Variants in COP1 observed in about 807,000 individuals in gnomAD.
COP1 encodes COP1 E3 ubiquitin ligase, also known as E3 ubiquitin-protein ligase COP1.
In COP1, 24 loss-of-function variants were observed where a neutral mutation model predicts 101.3. The observed-to-expected ratio is 0.24, with a 90% CI of 0.17 to 0.33. The LOEUF (loss-of-function observed/expected upper bound fraction) is 0.33, where lower values mean the gene tolerates loss of function less well. COP1 is among the 10% of genes least tolerant of loss of function. The pLI, the probability that COP1 is intolerant of heterozygous loss-of-function variation, is 1.00. For missense variants in COP1, 663 were observed against 906.2 expected (o/e 0.73, Z 3.45); for synonymous variants, 347 against 341.9 (o/e 1.01, Z -0.17).
At chr1:175,991,453 G>C (rs1035506105) in intron 15 of COP1, among the ~76,000 whole-genome samples, 3 of 152,146 alleles carry the variant, frequency 2.0e-5, no homozygotes, top group East Asian at 1.9e-4. Flanking sequence ...AAATTGTTTT[G>C]GGTGAGTTAG....
chr1:176,175,497 T>C (rs1399974206), intron 3 of COP1, among the ~76,000 whole-genome samples: 1 of 152,180 alleles, frequency 6.6e-6, no homozygotes, highest in Non-Finnish European at 1.5e-5. Context: ...CTTAGATCCC[T>C]TGCATGTGCA....
At chr1:175,996,339 A>C (rs1184287141) in intron 15 of COP1, among the ~76,000 whole-genome samples, 1 of 152,270 alleles carries the variant, frequency 6.6e-6, no homozygotes, top group East Asian at 1.9e-4. Flanking sequence ...AACTGGCACA[A>C]GACAGGGATG....
intron 5 of COP1, among the ~76,000 whole-genome samples, chr1:176,151,393 GA>G (rs1192304762): frequency 1.6e-5 from 2 of 122,646 alleles, no homozygotes; most frequent in Non-Finnish European, 3.9e-5. Context: ...AAGAAAGAAA[GA>G]AAGAAAGAAA....
intron 18 of COP1, among the ~76,000 whole-genome samples, chr1:175,970,093 A>G (rs1427796317): frequency 6.6e-6 from 1 of 152,074 alleles, no homozygotes; most frequent in Non-Finnish European, 1.5e-5. Context: ...TGGTGTTTGT[A>G]TTTTTTTGCT....
At chr1:176,168,477 G>C (rs996498831) in intron 3 of COP1, among the ~76,000 whole-genome samples, 27 of 127,184 alleles carry the variant, frequency 2.1e-4, no homozygotes, top group Non-Finnish European at 4.0e-4. Context: ...AGGAAGGGAG[G>C]AAGGCAGGAA....
intron 18 of COP1, among the ~76,000 whole-genome samples, chr1:175,955,766 C>CCACACACACACACACAAACACACA (rs1553275346): frequency 1.2e-4 from 16 of 129,192 alleles, no homozygotes; most frequent in South Asian, 2.7e-4. Context: ...TAGAGACAAA[C>CCACACACACACACACAAACACACA]CACACACACA....
intron 11 of COP1, 99 bp from the exon 12 acceptor site, chr1:176,046,423 C>A (rs1452695481): frequency 2.7e-6 from 3 of 1,091,960 alleles, no homozygotes; most frequent in Admixed American, 5.5e-5. Flanking sequence ...ACTTTAAATA[C>A]CTTCAAATTG....
At chr1:176,057,478 G>A (rs981929987) in intron 11 of COP1, among the ~76,000 whole-genome samples, 4 of 152,190 alleles carry the variant, frequency 2.6e-5, no homozygotes, top group African/African-American at 9.6e-5. Context: ...GCGATTGCAG[G>A]CGCGCGCCGC....
intron 14 of COP1, among the ~76,000 whole-genome samples, chr1:176,039,881 C>T (rs1337175993): frequency 2.0e-5 from 3 of 151,992 alleles, no homozygotes; most frequent in Non-Finnish European, 1.5e-5. Flanking sequence ...AAAGGTGGAT[C>T]GTTAACATCA....
rs1670316670 is a variant in COP1 at position 176,040,431 on chromosome 1, C to A, written c.1612+2755G>T. 5.3e-5 allele frequency among the ~76,000 whole-genome samples: 8 copies of A among 152,006 alleles called. 1 individual carries two copies. In the South Asian group the frequency reaches 1.5e-3, roughly 28 times the overall value. On this transcript the variant is annotated intron_variant, in intron 14 of 19. Transcript: ENST00000367669. ...TTATTGGGCTCAAGAGATCCTCCTGCCCCAGTTTCCCAAGCGCTGAGACTA... is the reference window on the plus strand; with the variant it reads ...TTATTGGGCTCAAGAGATCCTCCTGACCCAGTTTCCCAAGCGCTGAGACTA...
At chr1:176,082,284 T>C (rs1212677496) in intron 10 of COP1, among the ~76,000 whole-genome samples, 1 of 152,054 alleles carries the variant, frequency 6.6e-6, no homozygotes, top group South Asian at 2.1e-4. Flanking sequence ...AGCCCATACA[T>C]ACACACACAC....
At chr1:176,166,814 G>C (rs1268325361) in intron 3 of COP1, among the ~76,000 whole-genome samples, 1 of 152,078 alleles carries the variant, frequency 6.6e-6, no homozygotes, top group African/African-American at 2.4e-5. Context: ...GTACATGCCT[G>C]AATTCCCCGC....
At position 175,962,293 on chromosome 1, in the gene COP1, T is replaced by A. The variant is rs576675960; in HGVS notation, c.2134-15054A>T. On this transcript the variant is annotated intron_variant, in intron 18 of 19. Transcript: ENST00000367669. ...GAGGAATTCCCTGTACCCCAGTTACTTCCTGTACCAGGAAAGGGATAACAA... is the reference window on the plus strand; with the variant it reads ...GAGGAATTCCCTGTACCCCAGTTACATCCTGTACCAGGAAAGGGATAACAA... 9.5e-4 allele frequency among the ~76,000 whole-genome samples: 144 copies of A among 152,268 alleles called. 1 individual carries two copies. Among genetic ancestry groups the A allele is most frequent in the African/African-American group, 3.1e-3 (128 of 41,566 alleles).
At position 176,161,744 on chromosome 1, in the gene COP1, C is replaced by T. The variant is rs75224169; in HGVS notation, c.762+1125G>A. Among the ~76,000 whole-genome samples, 1,195 of 152,264 alleles carry T rather than the reference C, an allele frequency of 7.8e-3. 9 individuals are homozygous for T. The highest frequency in any genetic ancestry group is 0.011 in the Non-Finnish European group (754 of 68,016). On this transcript the variant is annotated intron_variant, in intron 5 of 19. Coordinates refer to ENST00000367669, the MANE Select transcript of COP1 (RefSeq NM_022457.7). ...CACAACCCCTGGCAAACAGTAGATG[C>T]TAATAGTAAACTATGGTTAAAACCG...
intron 8 of COP1, among the ~76,000 whole-genome samples, chr1:176,123,204 C>A (rs1429396527): frequency 3.3e-5 from 5 of 152,036 alleles, no homozygotes; most frequent in Non-Finnish European, 7.4e-5. Flanking sequence ...TCCAGAAATA[C>A]TTAGAAGAAG....
chr1:176,164,612 G>C (rs1362863108), intron 3 of COP1, among the ~76,000 whole-genome samples: 1 of 152,144 alleles, frequency 6.6e-6, no homozygotes. Context: ...GAACTGCTTA[G>C]AGCCATCTTG....
rs748164640 is a variant in COP1, at chr1:175,988,273, G to A, written c.1972+15C>T. The A allele has an allele frequency of 1.1e-5, 17 of 1,584,124 alleles. No individual in the cohort carries two copies. The highest frequency in any genetic ancestry group is 6.9e-5 in the South Asian group (6 of 87,062). On this transcript the variant is annotated intron_variant, in intron 17 of 19. Coordinates refer to ENST00000367669, the MANE Select transcript of COP1 (RefSeq NM_022457.7). ...CACCTGTTAAAAAGTTCCTGGAAACGATGGTTTCACTTACCACAAGCTATA... is the reference window on the plus strand; with the variant it reads ...CACCTGTTAAAAAGTTCCTGGAAACAATGGTTTCACTTACCACAAGCTATA...
At chr1:175,995,998 A>G (rs370588278) in intron 15 of COP1, among the ~76,000 whole-genome samples, 10,039 of 152,250 alleles carry the variant, frequency 0.066, 414 homozygotes, top group Middle Eastern at 0.12. Flanking sequence ...AAAATCCTCA[A>G]TAAAATACTG....
At chr1:175,968,970 A>G (rs530215987) in intron 18 of COP1, among the ~76,000 whole-genome samples, 7 of 152,288 alleles carry the variant, frequency 4.6e-5, no homozygotes, top group Middle Eastern at 3.4e-3. Context: ...GTATGAGGGG[A>G]AAAAAATGAC....
Sources: allele counts gnomAD v4.1 joint callset (sites outside exome capture counted in the v4.1 genomes callset), GRCh38; gene constraint gnomAD v4.1.1; transcripts MANE v1.5; gene names NCBI Gene and HGNC (gene_info 2026-07-23, HGNC 2026-07-21).